RAB6A: variants seen among roughly 807,000 people sequenced by gnomAD.
The protein encoded by RAB6A is RAB6A, member RAS oncogene family, also known as ras-related protein Rab-6A.
In RAB6A, 8 loss-of-function variants were observed where a neutral mutation model predicts 32.3. The observed-to-expected ratio is 0.25, with a 90% confidence interval of 0.15 to 0.45. The LOEUF (loss-of-function observed/expected upper bound fraction) is 0.45, where lower values mean the gene tolerates loss of function less well. Ranked by LOEUF, RAB6A falls within the 20% of genes least tolerant of loss-of-function variation. The pLI, the probability that RAB6A is intolerant of heterozygous loss-of-function variation, is 1.00. For synonymous variants in RAB6A, 73 were observed against 82.1 expected, an observed-to-expected ratio of 0.89 and a Z score of 0.60; for missense variants, 104 against 249.4, an observed-to-expected ratio of 0.42 and a Z score of 3.93.
chr11:73,695,943 G>A (rs2134894622), intron 6 of RAB6A, among the ~76,000 whole-genome samples: 1 of 152,220 alleles, frequency 6.6e-6, no homozygotes, highest in South Asian at 2.1e-4. Context: ...TTTTTTTAGG[G>A]ATAATTTTAA....
chr11:73,731,721 T>C (rs1279860609), intron 1 of RAB6A, among the ~76,000 whole-genome samples: 13 of 11,116 alleles, frequency 1.2e-3, no homozygotes, highest in South Asian at 3.4e-3. Context: ...TATATATATA[T>C]ATATATATAT....
chr11:73,685,686 C>T lies in RAB6A; in HGVS notation c.496-5966G>A, dbSNP rs368825567. Among the ~76,000 whole-genome samples the T allele has an allele frequency of 6.8e-4, 96 of 141,640 alleles. No homozygotes were observed. In the South Asian group the frequency reaches 8.4e-3, roughly 12 times the overall value. 92.9% of individuals were successfully genotyped at this position (141,640 alleles called of 152,430 possible). On this transcript the variant is annotated intron_variant, in intron 6 of 7. Transcript: ENST00000336083. ...CTGAGGTCAGGAGTTTGAGACCAGC[C>T]GGGCCAACATGGTGAAACCCCATCT...
In RAB6A at chr11:73,719,578, G is replaced by A. The variant is rs538477070; in HGVS notation, c.184-860C>T. Among the ~76,000 whole-genome samples, 8 of 151,730 alleles carry A rather than the reference G, an allele frequency of 5.3e-5. No homozygotes were observed. The South Asian group carries it at 1.7e-3, about 32-fold the overall frequency. Reference sequence around the variant, plus strand: ...AGAAAAGCCTGAAAACAAGTATCAAGTTCTTGCATCATGATAAAGTCGTTT... The same window carrying A: ...AGAAAAGCCTGAAAACAAGTATCAAATTCTTGCATCATGATAAAGTCGTTT... On this transcript the variant is annotated intron_variant, in intron 3 of 7. Transcript: ENST00000336083.
intron 1 of RAB6A, 80 bp downstream of exon 1, chr11:73,760,486 C>A (rs1185297387): frequency 4.6e-6 from 7 of 1,505,710 alleles, no homozygotes; most frequent in Non-Finnish European, 5.4e-6. Context: ...CAGGGAGCCT[C>A]CGCGGACGGA....
At chr11:73,711,834 A>G (rs2140892) in intron 5 of RAB6A, among the ~76,000 whole-genome samples, 121,065 of 152,160 alleles carry the variant, frequency 0.8, 48,406 homozygotes, top group East Asian at 0.87. Context: ...TGAGGCAAAA[A>G]TATTTCTCAG....
intron 5 of RAB6A, among the ~76,000 whole-genome samples, chr11:73,713,776 G>A (rs1467688959): frequency 2.0e-5 from 3 of 152,084 alleles, no homozygotes; most frequent in Non-Finnish European, 2.9e-5. Context: ...TTAGTGGAAC[G>A]AACAAGCTGT....
chr11:73,743,667 C>T (rs1450562908), intron 1 of RAB6A, among the ~76,000 whole-genome samples: 1 of 152,094 alleles, frequency 6.6e-6, no homozygotes, highest in Non-Finnish European at 1.5e-5. Context: ...GCCTAGCCTC[C>T]AGTCTCATCT....
intron 6 of RAB6A, among the ~76,000 whole-genome samples, chr11:73,693,591 AAAG>A (rs1376347846): frequency 2.4e-4 from 36 of 151,078 alleles, no homozygotes; most frequent in Non-Finnish European, 4.1e-4. Context: ...AGAAGAAAGA[AAAG>A]AAAGCGACAG....
At chr11:73,739,074 C>A (rs1303239074) in intron 1 of RAB6A, among the ~76,000 whole-genome samples, 1 of 150,054 alleles carries the variant, frequency 6.7e-6, no homozygotes, top group Non-Finnish European at 1.5e-5. Context: ...TCAAGATCAG[C>A]CTGGCCAACG....
At chr11:73,683,576 G>A (rs1945393487) in intron 6 of RAB6A, among the ~76,000 whole-genome samples, 1 of 147,186 alleles carries the variant, frequency 6.8e-6, no homozygotes, top group African/African-American at 2.5e-5. Context: ...TTTTTTAGAT[G>A]CAGTCTCACT....
At chr11:73,753,037 C>T (rs1329171544) in intron 1 of RAB6A, among the ~76,000 whole-genome samples, 1 of 152,012 alleles carries the variant, frequency 6.6e-6, no homozygotes, top group Non-Finnish European at 1.5e-5. Context: ...TCACTTGAGG[C>T]CAGGAGTTGG....
chr11:73,718,993 T>A, intron 3 of RAB6A: 1 of 1,073,698 alleles, frequency 9.3e-7, no homozygotes, highest in Non-Finnish European at 1.3e-6. Flanking sequence ...GGGAAGGAAG[T>A]AGAAAGAAGA....
At chr11:73,741,409 A>G (rs1213655279) in intron 1 of RAB6A, among the ~76,000 whole-genome samples, 2 of 152,136 alleles carry the variant, frequency 1.3e-5, no homozygotes, top group Non-Finnish European at 2.9e-5. Flanking sequence ...AAGTGCTAAG[A>G]TTATAGGCGT....
intron 1 of RAB6A, among the ~76,000 whole-genome samples, chr11:73,757,895 G>A (rs1946785893): frequency 6.6e-6 from 1 of 152,180 alleles, no homozygotes; most frequent in South Asian, 2.1e-4. Context: ...TCTACGCTAG[G>A]CAATGGGGAC....
intron 6 of RAB6A, among the ~76,000 whole-genome samples, chr11:73,699,693 T>C (rs1399047633): frequency 6.6e-6 from 1 of 152,212 alleles, no homozygotes; most frequent in Admixed American, 6.6e-5. Flanking sequence ...AACAATATCA[T>C]AAGTTTCTTG....
At position 73,695,704 on chromosome 11, in the gene RAB6A, T is replaced by C. The variant is rs113563725; in HGVS notation, c.495+11716A>G. Among the ~76,000 whole-genome samples the C allele has an allele frequency of 5.3e-3, 813 of 152,270 alleles. 9 individuals carry two copies. Among genetic ancestry groups the C allele is most frequent in the African/African-American group, 0.018 (766 of 41,562 alleles). On this transcript the variant is annotated intron_variant, in intron 6 of 7. Coordinates refer to ENST00000336083, the MANE Select transcript of RAB6A (RefSeq NM_198896.2). ...CGAGAATCCACTTTCTAGAAGACAT[T>C]CTAGGGCATCTTTGCTGGAACAGCT...
intron 1 of RAB6A, among the ~76,000 whole-genome samples, chr11:73,752,359 G>C (rs1019853676): frequency 1.1e-4 from 16 of 152,240 alleles, no homozygotes; most frequent in African/African-American, 3.9e-4. Context: ...AGGAGACTGA[G>C]GTATGAGAAT....
intron 1 of RAB6A, among the ~76,000 whole-genome samples, chr11:73,731,052 G>A (rs551486074): frequency 1.3e-5 from 2 of 152,256 alleles, no homozygotes; most frequent in South Asian, 4.1e-4. Flanking sequence ...GTTAAAAGTT[G>A]AAAACATTCT....
chr11:73,727,429 G>GGA (rs36013580), intron 2 of RAB6A, among the ~76,000 whole-genome samples: 1 of 143,426 alleles, frequency 7.0e-6, no homozygotes, highest in Non-Finnish European at 1.5e-5. Context: ...CTATCTCTTG[G>GGA]AAAAAAAAAA....
Sources: gnomAD v4.1 joint callset for allele counts (sites outside exome capture counted in the v4.1 genomes callset) on GRCh38, gnomAD v4.1.1 for gene constraint, MANE v1.5 for transcripts, NCBI Gene and HGNC (gene_info 2026-07-23, HGNC 2026-07-21) for gene names.